Variants in CHP1 observed in about 807,000 individuals in gnomAD.
The protein encoded by CHP1 is calcineurin like EF-hand protein 1, also known as calcineurin B homologous protein 1.
In CHP1, 11 loss-of-function variants were observed where a neutral mutation model predicts 27.4. That is an observed-to-expected ratio of 0.40 (90% CI 0.25 to 0.67). CHP1 has a LOEUF of 0.67. CHP1 is among the 30% of genes least tolerant of loss of function. The pLI is 0.38. For missense variants in CHP1, 169 were observed against 251.3 expected (o/e 0.67, Z 2.22); for synonymous variants, 89 against 87.4 (o/e 1.02, Z -0.10).
intron 4 of CHP1, 78 bp from the exon 5 acceptor site, chr15:41,270,479 G>A (rs1277862711): frequency 2.9e-6 from 3 of 1,049,516 alleles, no homozygotes; most frequent in East Asian, 2.4e-5. Flanking sequence ...TTTCTGTCTA[G>A]TGTCTTATAT....
At chr15:41,270,160 C>T (rs969825270) in intron 4 of CHP1, among the ~76,000 whole-genome samples, 2 of 152,074 alleles carry the variant, frequency 1.3e-5, no homozygotes, top group African/African-American at 2.4e-5. Context: ...GGTCAGCTCT[C>T]ATGGTGCCTG....
intron 2 of CHP1, among the ~76,000 whole-genome samples, chr15:41,253,941 T>C (rs553475390): frequency 1.7e-4 from 26 of 148,900 alleles, no homozygotes; most frequent in African/African-American, 6.6e-4. Flanking sequence ...CGTGCCACCA[T>C]GCCTGGCTAA....
chr15:41,234,173 T>G (rs1354464059), intron 1 of CHP1: 1 of 152,182 alleles, frequency 6.6e-6, no homozygotes, highest in African/African-American at 2.4e-5. Context: ...AGGCTGGTCA[T>G]AAACTCCTGG....
At chr15:41,235,948 T>C (rs1423764749) in intron 1 of CHP1, among the ~76,000 whole-genome samples, 2 of 152,218 alleles carry the variant, frequency 1.3e-5, no homozygotes, top group Non-Finnish European at 2.9e-5. Context: ...TGGTTTTGGG[T>C]TAAGTGATTT....
At chr15:41,277,743 G>A (rs1475358776) in intron 5 of CHP1, among the ~76,000 whole-genome samples, 7 of 148,672 alleles carry the variant, frequency 4.7e-5, no homozygotes, top group South Asian at 2.1e-4. Context: ...AGCCGAGATC[G>A]TGCCATTGCA....
intron 2 of CHP1, among the ~76,000 whole-genome samples, chr15:41,247,954 G>C (rs368283215): frequency 1.3e-5 from 2 of 151,640 alleles, no homozygotes; most frequent in Non-Finnish European, 2.9e-5. Context: ...GGGCGACAGA[G>C]CAAGACTCCG....
chr15:41,263,430 C>T (rs1291497429), intron 4 of CHP1, among the ~76,000 whole-genome samples: 2 of 152,242 alleles, frequency 1.3e-5, no homozygotes, highest in Admixed American at 1.3e-4. Flanking sequence ...ACCCGTGTCT[C>T]ATGCCTCTTT....
intron 5 of CHP1, among the ~76,000 whole-genome samples, chr15:41,278,196 G>A (rs186120910): frequency 2.7e-3 from 403 of 151,890 alleles, no homozygotes; most frequent in Admixed American, 6.4e-3. Context: ...AGCCGGGCAC[G>A]GTGGCAGGCG....
At chr15:41,253,450 TTTATTTA>T in intron 2 of CHP1, among the ~76,000 whole-genome samples, 1 of 150,290 alleles carries the variant, frequency 6.7e-6, no homozygotes, top group African/African-American at 2.4e-5. Context: ...TATTTATTTA[TTTATTTA>T]TTTATTTATT....
At chr15:41,243,975 G>A (rs920378919) in intron 2 of CHP1, among the ~76,000 whole-genome samples, 54 of 152,084 alleles carry the variant, frequency 3.6e-4, no homozygotes, top group African/African-American at 1.2e-3. Flanking sequence ...CAAGGCGGGC[G>A]GATCATGAGG....
At chr15:41,251,791 C>T (rs996266606) in intron 2 of CHP1, among the ~76,000 whole-genome samples, 10 of 150,410 alleles carry the variant, frequency 6.6e-5, no homozygotes, top group East Asian at 3.9e-4. Flanking sequence ...GGCTGGGGAT[C>T]GCTGCCAGCT....
intron 1 of CHP1, among the ~76,000 whole-genome samples, chr15:41,237,926 T>A (rs1412039070): frequency 6.6e-6 from 1 of 152,140 alleles, no homozygotes; most frequent in African/African-American, 2.4e-5. Flanking sequence ...GCCAGGATGA[T>A]CTTGATCTCT....
At chr15:41,250,961 A>T (rs1276472109) in intron 2 of CHP1, among the ~76,000 whole-genome samples, 1 of 151,776 alleles carries the variant, frequency 6.6e-6, no homozygotes, top group Non-Finnish European at 1.5e-5. Flanking sequence ...CAGCCTCCAG[A>T]GTAGCTGCAA....
At chr15:41,264,154 A>G in intron 4 of CHP1, 1 of 1,277,402 alleles carries the variant, frequency 7.8e-7, no homozygotes, top group Non-Finnish European at 1.0e-6. Context: ...TTTCTTGTTC[A>G]CATCTGGCAG....
At chr15:41,242,994 C>G (rs2047314913) in intron 1 of CHP1, among the ~76,000 whole-genome samples, 1 of 151,882 alleles carries the variant, frequency 6.6e-6, no homozygotes, top group Non-Finnish European at 1.5e-5. Flanking sequence ...CATACATTTT[C>G]TTAGCCTCTA....
At chr15:41,277,339 T>G (rs1334517377) in intron 5 of CHP1, among the ~76,000 whole-genome samples, 4 of 152,162 alleles carry the variant, frequency 2.6e-5, no homozygotes, top group Non-Finnish European at 5.9e-5. Flanking sequence ...ATGGTAAGTA[T>G]TTGTGTATCT....
At chr15:41,272,887 C>T (rs2047498094) in intron 5 of CHP1, among the ~76,000 whole-genome samples, 1 of 151,970 alleles carries the variant, frequency 6.6e-6, no homozygotes, top group Non-Finnish European at 1.5e-5. Context: ...TCTCCCCTGT[C>T]TCTACTAAAA....
intron 4 of CHP1, 132 bp from the exon 5 acceptor site, chr15:41,270,425 G>A (rs2047482830): frequency 4.5e-6 from 3 of 671,840 alleles, no homozygotes; most frequent in Non-Finnish European, 7.9e-6. Flanking sequence ...AGCCCTACAA[G>A]TAATGGCAAT....
intron 2 of CHP1, among the ~76,000 whole-genome samples, chr15:41,251,823 A>C (rs1384680484): frequency 6.9e-6 from 1 of 145,220 alleles, no homozygotes; most frequent in South Asian, 2.2e-4. Context: ...TTTTTTTTTA[A>C]TTAGAGACAG....
Sources: allele counts gnomAD v4.1 joint callset (sites outside exome capture counted in the v4.1 genomes callset), GRCh38; gene constraint gnomAD v4.1.1; transcripts MANE v1.5; gene names NCBI Gene and HGNC (gene_info 2026-07-23, HGNC 2026-07-21).